PLXNA4: variants seen among roughly 807,000 people sequenced by gnomAD.
PLXNA4 encodes plexin-A4.
A neutral mutation model predicts 191.8 loss-of-function variants in PLXNA4; 44 were observed. The ratio of observed to expected loss-of-function variants is 0.23; its 90% CI spans 0.18 to 0.29. PLXNA4 has a LOEUF of 0.29. PLXNA4 is among the 10% of genes least tolerant of loss of function. PLXNA4 has a pLI of 1.00. For synonymous variants in PLXNA4, 1,082 were observed against 1,009.5 expected, an observed-to-expected ratio of 1.07 and a Z score of -1.36; for missense variants, 1,800 against 2,488.8, an observed-to-expected ratio of 0.72 and a Z score of 5.89.
intron 4 of PLXNA4, among the ~76,000 whole-genome samples, chr7:132,295,004 T>C (rs1165340000): frequency 6.6e-6 from 1 of 152,248 alleles, no homozygotes; most frequent in Non-Finnish European, 1.5e-5. Context: ...CTCCCCAGTC[T>C]GTGCTATTTT....
chr7:132,154,069 C>T (rs1795722493), intron 25 of PLXNA4, among the ~76,000 whole-genome samples: 1 of 152,170 alleles, frequency 6.6e-6, no homozygotes, highest in South Asian at 2.1e-4. Flanking sequence ...ATGCCTGGAC[C>T]TCCACCCCTG....
At chr7:132,283,002 C>CG (rs950278689) in intron 4 of PLXNA4, among the ~76,000 whole-genome samples, 2 of 152,066 alleles carry the variant, frequency 1.3e-5, no homozygotes, top group African/African-American at 4.8e-5. Flanking sequence ...TCAGCCCCCC[C>CG]CAAGTAACTG....
chr7:132,365,993 G>A (rs923500315), intron 3 of PLXNA4: 1 of 152,164 alleles, frequency 6.6e-6, no homozygotes, highest in African/African-American at 2.4e-5. Flanking sequence ...CAGTAGGACT[G>A]TCTAGTTACA....
At chr7:132,152,032 A>G (rs1244771820) in intron 25 of PLXNA4, among the ~76,000 whole-genome samples, 1 of 151,986 alleles carries the variant, frequency 6.6e-6, no homozygotes, top group African/African-American at 2.4e-5. Flanking sequence ...TATGGTCTCT[A>G]TTTTCCCTAG....
chr7:132,506,859 A>C (rs1317115689), intron 2 of PLXNA4, among the ~76,000 whole-genome samples: 1 of 152,218 alleles, frequency 6.6e-6, no homozygotes, highest in Non-Finnish European at 1.5e-5. Flanking sequence ...GGCACTGTGC[A>C]CACAGAAGAT....
chr7:132,430,310 TGCACCCA>T (rs922304992), intron 3 of PLXNA4, among the ~76,000 whole-genome samples: 10 of 152,290 alleles, frequency 6.6e-5, no homozygotes, highest in South Asian at 6.2e-4. Flanking sequence ...ACTCCTCTTC[TGCACCCA>T]GCACCCAGCA....
intron 16 of PLXNA4, among the ~76,000 whole-genome samples, chr7:132,182,917 T>C (rs1211953201): frequency 6.6e-6 from 1 of 152,074 alleles, no homozygotes; most frequent in Non-Finnish European, 1.5e-5. Flanking sequence ...TGCCAGTGCC[T>C]ATCCTTAGGG....
intron 3 of PLXNA4, among the ~76,000 whole-genome samples, chr7:132,459,280 T>G (rs1405122356): frequency 6.6e-6 from 1 of 152,156 alleles, no homozygotes; most frequent in Non-Finnish European, 1.5e-5. Context: ...AAGTAAGAAC[T>G]GGAGGAACAG....
intron 3 of PLXNA4, among the ~76,000 whole-genome samples, chr7:132,359,826 G>A (rs950928259): frequency 2.0e-5 from 3 of 152,158 alleles, no homozygotes; most frequent in Non-Finnish European, 2.9e-5. Flanking sequence ...ATATTTGAGA[G>A]ACTGGATGTA....
At chr7:132,361,715 G>A (rs898343578) in intron 3 of PLXNA4, among the ~76,000 whole-genome samples, 1 of 152,148 alleles carries the variant, frequency 6.6e-6, no homozygotes, top group Admixed American at 6.5e-5. Flanking sequence ...TTTGATTAAA[G>A]CCAGGGGACT....
intron 4 of PLXNA4, among the ~76,000 whole-genome samples, chr7:132,272,394 G>A (rs1396365151): frequency 6.6e-6 from 1 of 152,178 alleles, no homozygotes; most frequent in African/African-American, 2.4e-5. Flanking sequence ...AAGCACTGCT[G>A]TGAAGATTAA....
intron 3 of PLXNA4, among the ~76,000 whole-genome samples, chr7:132,451,712 C>A (rs997763458): frequency 6.6e-6 from 1 of 152,166 alleles, no homozygotes; most frequent in Non-Finnish European, 1.5e-5. Context: ...GAGCTTGGTC[C>A]ACGGACTCCC....
chr7:132,265,722 A>C (rs1584921450), intron 4 of PLXNA4, among the ~76,000 whole-genome samples: 1 of 152,286 alleles, frequency 6.6e-6, no homozygotes, highest in Admixed American at 6.5e-5. Flanking sequence ...TAGTCCCTGA[A>C]GAACAGGACA....
chr7:132,528,545 A>G (rs888714277), intron 1 of PLXNA4, among the ~76,000 whole-genome samples: 2 of 152,232 alleles, frequency 1.3e-5, no homozygotes, highest in Non-Finnish European at 2.9e-5. Flanking sequence ...GTTTAGGAAC[A>G]GCCATGCCAC....
intron 3 of PLXNA4, among the ~76,000 whole-genome samples, chr7:132,327,104 GAAAGAAATGT>G (rs1802401478): frequency 6.8e-6 from 1 of 146,838 alleles, no homozygotes. Flanking sequence ...AAAGGAGGGA[GAAAGAAATGT>G]GGAAGGAAAA....
At chr7:132,155,923 TC>T (rs1795778122) in intron 25 of PLXNA4, among the ~76,000 whole-genome samples, 2 of 152,260 alleles carry the variant, frequency 1.3e-5, no homozygotes, top group South Asian at 4.1e-4. Flanking sequence ...CCCCATCCAA[TC>T]AGTTGAAGTC....
intron 2 of PLXNA4, among the ~76,000 whole-genome samples, chr7:132,498,987 T>C (rs1158211285): frequency 2.0e-5 from 3 of 152,254 alleles, no homozygotes; most frequent in Non-Finnish European, 4.4e-5. Flanking sequence ...GATATCTAAG[T>C]GGTCTTTCAC....
intron 3 of PLXNA4, among the ~76,000 whole-genome samples, chr7:132,299,210 T>C (rs1801217175): frequency 6.6e-6 from 1 of 152,204 alleles, no homozygotes; most frequent in African/African-American, 2.4e-5. Flanking sequence ...CACACTTCCC[T>C]ACCACATGCA....
At chr7:132,132,420 C>CTGTTGTTCTGTTCTGTTCTGTTCTGT (rs1258418633) in intron 31 of PLXNA4, among the ~76,000 whole-genome samples, 1 of 61,128 alleles carries the variant, frequency 1.6e-5, no homozygotes, top group African/African-American at 5.6e-5. Context: ...CTGTTCTGTT[C>CTGTTGTTCTGTTCTGTTCTGTTCTGT]TGTTCTGTTC....
Sources: allele counts gnomAD v4.1 joint callset (sites outside exome capture counted in the v4.1 genomes callset), GRCh38; gene constraint gnomAD v4.1.1; transcripts MANE v1.5; gene names NCBI Gene and HGNC (gene_info 2026-07-23, HGNC 2026-07-21).